The following OSGIN1 variants were observed in gnomAD, a reference collection of about 807,000 sequenced individuals.
The protein encoded by OSGIN1 is oxidative stress-induced growth inhibitor 1.
Under a neutral mutation model 20.1 loss-of-function variants are expected in OSGIN1, and 19 were observed. That is an observed-to-expected ratio of 0.95 (90% confidence interval 0.66 to 1.39). The LOEUF is 1.39. OSGIN1 is among the 40% of genes most tolerant of loss of function. OSGIN1 has a pLI of 0.00. For synonymous variants in OSGIN1, 368 were observed against 297.8 expected (o/e 1.24, Z -2.43); for missense variants, 820 against 653.0 (o/e 1.26, Z -2.79).
chr16:83,961,018 A>C lies in OSGIN1; in HGVS notation c.434A>C (p.Gln145Pro). 6.2e-7 allele frequency: 1 copy of C among 1,613,678 alleles called. No homozygotes were observed. The highest frequency in any genetic ancestry group is 2.2e-5 in the East Asian group (1 of 44,882). The change falls in exon 5 of 6, where the codon CAG becomes CCG. Residue 145 changes from glutamine to proline, a missense_variant. Gln to Pro is a moderately conservative substitution (Grantham distance 76, BLOSUM62 -1). Transcript: ENST00000393306. ...EGSMVILSQG[Q>P]WMGLPDLEVK... ...TCCATGGTGATCCTGAGCCAAGGCC[A>C]GTGGATGGGGCTCCCGGACCTGGAG... is the stretch of plus-strand genomic sequence containing the variant.
intron 5 of OSGIN1, among the ~76,000 whole-genome samples, chr16:83,963,087 T>G (rs545116611): frequency 1.2e-4 from 19 of 152,324 alleles, no homozygotes; most frequent in Admixed American, 2.6e-4. Flanking sequence ...CCCCCAGGGC[T>G]GTGACCAGGC....
At chr16:83,962,650 G>A (rs763868059) in intron 5 of OSGIN1, among the ~76,000 whole-genome samples, 20 of 152,218 alleles carry the variant, frequency 1.3e-4, no homozygotes, top group Non-Finnish European at 2.8e-4. Flanking sequence ...GGCTGTATAC[G>A]TTAGGGAGAC....
At position 83,966,174 on chromosome 16, in the gene OSGIN1, C is replaced by A. The variant is rs1597186243; in HGVS notation, c.*167C>A. 1 of 620,804 alleles carries A rather than the reference C, an allele frequency of 1.6e-6. No homozygotes were observed. Among genetic ancestry groups the A allele is most frequent in the Non-Finnish European group, 2.8e-6 (1 of 362,344 alleles). The allele number at this position is 620,804 out of a possible 1,614,324, so 38.5% of individuals were successfully genotyped here. ...ATCCCAGGCTGCCCTGGACTTAGAC[C>A]AGTGTCTGAGGTGGTAACAGCGGCC... On this transcript the variant is annotated 3_prime_UTR_variant, in exon 6 of 6. Coordinates refer to ENST00000393306, the MANE Select transcript of OSGIN1 (RefSeq NM_182981.3).
intron 5 of OSGIN1, among the ~76,000 whole-genome samples, chr16:83,964,715 T>C (rs2084255522): frequency 6.6e-6 from 1 of 152,160 alleles, no homozygotes; most frequent in African/African-American, 2.4e-5. Flanking sequence ...CACCAACATC[T>C]TCCTCATTTT....
intron 5 of OSGIN1, 60 bp from the exon 6 acceptor site, chr16:83,965,002 C>G: frequency 1.1e-6 from 1 of 924,732 alleles, no homozygotes; most frequent in Non-Finnish European, 1.7e-6. Context: ...TCTCCCGTCC[C>G]ACCCAGCCCC....
Position 83,965,390 on chromosome 16 carries a change from G to C in OSGIN1, c.817G>C (p.Glu273Gln). Residue 273 changes from glutamate (E) to glutamine (Q), a missense_variant, in exon 6 of 6, where the codon GAG becomes CAG. Transcript: ENST00000393306. Reference protein sequence around the residue: ...PFIHHELSALEAATRVGAVTP... With the variant: ...PFIHHELSALQAATRVGAVTP... ...CATCCACCATGAGCTGTCTGCCCTG[G>C]AGGCCGCCACAAGGGTGGGTGCGGT... 2 of 1,575,008 alleles carry C rather than the reference G, an allele frequency of 1.3e-6. No homozygotes were observed. The highest frequency in any genetic ancestry group is 1.7e-6 in the Non-Finnish European group (2 of 1,163,506).
Position 83,965,870 on chromosome 16 carries a change from A to C in OSGIN1, c.1297A>C (p.Thr433Pro), listed in dbSNP as rs747213810. 1.4e-5 allele frequency: 22 copies of C among 1,612,688 alleles called. No individual in the cohort carries two copies. The highest frequency in any genetic ancestry group is 4.2e-6 in the Non-Finnish European group (5 of 1,179,984). Residue 433 changes from threonine to proline, a missense_variant, in exon 6 of 6, where the codon ACC becomes CCC. Thr to Pro is a conservative substitution (Grantham distance 38). Coordinates refer to ENST00000393306, the MANE Select transcript of OSGIN1 (RefSeq NM_182981.3). The stretch of plus-strand genomic sequence containing the variant: ...GAACCCCATTGACGTGGACCCCTTC[A>C]CCTACCAGAGCACCCGCCAGGAGGG... ...KRNPIDVDPF[T>P]YQSTRQEGLY... is the part of the protein sequence containing the mutation.
chr16:83,956,511 C>G (rs1410160788), intron 1 of OSGIN1, among the ~76,000 whole-genome samples: 2 of 152,094 alleles, frequency 1.3e-5, no homozygotes, highest in East Asian at 1.9e-4. Flanking sequence ...CCCTGGATCT[C>G]GAGGGACAGG....
At position 83,965,744 on chromosome 16, in the gene OSGIN1, C is replaced by G. The variant is rs1011312312; in HGVS notation, c.1171C>G (p.Leu391Val). Residue 391 changes from leucine (L) to valine (V), a missense_variant, in exon 6 of 6, where the codon CTG becomes GTG. Physicochemically the swap from Leu to Val is conservative, Grantham distance 32 (BLOSUM62 1). Transcript: ENST00000393306. ...EGVEKVFGVS[L>V]VLVLIGSHPD... ...TGTCGAGAAGGTGTTTGGGGTCTCCCTGGTGCTGGTCCTCATCGGCTCCCA... is the reference window on the plus strand; with the variant it reads ...TGTCGAGAAGGTGTTTGGGGTCTCCGTGGTGCTGGTCCTCATCGGCTCCCA... The G allele has an allele frequency of 1.2e-6, 2 of 1,613,572 alleles. No individual in the cohort carries two copies. Among genetic ancestry groups the G allele is most frequent in the Non-Finnish European group, 1.7e-6 (2 of 1,179,990 alleles).
chr16:83,963,341 C>G (rs2084237460), intron 5 of OSGIN1, among the ~76,000 whole-genome samples: 1 of 152,174 alleles, frequency 6.6e-6, no homozygotes, highest in Non-Finnish European at 1.5e-5. Context: ...CATCCTTTTA[C>G]ATGGCCTCAC....
At chr16:83,954,454 A>T (rs144350066) in intron 1 of OSGIN1, 2,283 of 152,366 alleles carry the variant, frequency 0.015, 27 homozygotes, top group South Asian at 0.061. Flanking sequence ...AAAGGGACTT[A>T]AAAAGATAAC....
intron 5 of OSGIN1, among the ~76,000 whole-genome samples, chr16:83,963,906 AAAC>A (rs1377844868): frequency 3.9e-5 from 6 of 152,234 alleles, no homozygotes; most frequent in East Asian, 1.9e-4. Flanking sequence ...GTGACAATCC[AAAC>A]AACAACAACA....
intron 5 of OSGIN1, among the ~76,000 whole-genome samples, chr16:83,963,953 G>C (rs1307486438): frequency 2.0e-5 from 3 of 152,212 alleles, no homozygotes; most frequent in Non-Finnish European, 2.9e-5. Context: ...GCGTGGGCTG[G>C]GAACGATGGT....
intron 5 of OSGIN1, chr16:83,961,280 A>C: frequency 5.4e-6 from 3 of 555,188 alleles, no homozygotes; most frequent in Non-Finnish European, 9.7e-6. Context: ...ATGAGACATC[A>C]ATCAATATTT....
At position 83,960,676 on chromosome 16, in the gene OSGIN1, G is replaced by C; in HGVS notation, c.312G>C (p.Lys104Asn). Residue 104 changes from lysine (K) to asparagine (N), a missense_variant, in exon 4 of 6, where the codon AAG (lysine) becomes AAC (asparagine). Coordinates refer to ENST00000393306, the MANE Select transcript of OSGIN1 (RefSeq NM_182981.3). The stretch of plus-strand genomic sequence containing the variant: ...ACACAGACTTTGGGGGAAACATGAA[G>C]TCGGTCCTCACCTGGAAGCACCGGA... The part of the protein sequence containing the change: ...RPDTDFGGNM[K>N]SVLTWKHRKE... 1 of 1,613,612 alleles carries C rather than the reference G, an allele frequency of 6.2e-7. No homozygotes were observed. The highest frequency in any genetic ancestry group is 2.2e-5 in the East Asian group (1 of 44,884).
At position 83,962,418 on chromosome 16, in the gene OSGIN1, T is replaced by C. The variant is rs1184559583; in HGVS notation, c.488+1346T>C. ...CACACCCGGCTAATTATTTTTTGTA[T>C]TTTTAGTAGAGACGGGGTTTCACCG... On this transcript the variant is annotated intron_variant, in intron 5 of 5. Coordinates refer to ENST00000393306, the MANE Select transcript of OSGIN1 (RefSeq NM_182981.3). 3.9e-5 allele frequency among the ~76,000 whole-genome samples: 6 copies of C among 152,294 alleles called. No individual in the cohort carries two copies. In the East Asian group the frequency reaches 1.2e-3, roughly 29 times the overall value.
intron 2 of OSGIN1, among the ~76,000 whole-genome samples, chr16:83,958,523 C>T (rs940380180): frequency 6.6e-6 from 1 of 152,198 alleles, no homozygotes; most frequent in Non-Finnish European, 1.5e-5. Flanking sequence ...ATGGTCATTT[C>T]TGTAAGGCAA....
rs937059269 is a variant in OSGIN1 at position 83,965,147 on chromosome 16, T to C, written c.574T>C (p.Phe192Leu). The C allele has an allele frequency of 1.2e-6, 2 of 1,613,426 alleles. No individual in the cohort carries two copies. The highest frequency in any genetic ancestry group is 1.7e-6 in the Non-Finnish European group (2 of 1,179,992). ...GGTCAAGAAGGGTCTGGGGCATAAC[T>C]TTGTGTCCGGTGCTGTAGTCACAGC... is the stretch of plus-strand genomic sequence containing the variant. ...YVVKKGLGHN[F>L]VSGAVVTAVE... is the part of the protein sequence containing the mutation. Residue 192 changes from phenylalanine (F) to leucine (L), a missense_variant, in exon 6 of 6, where the codon TTT (phenylalanine) becomes CTT (leucine). Phe to Leu is a conservative substitution (Grantham distance 22, BLOSUM62 0). Transcript: ENST00000393306.
In OSGIN1 at chr16:83,957,785, GGTACCCCCCA is replaced by G; in HGVS notation, c.67+49_67+58del. 7.8e-6 allele frequency: 9 copies of G among 1,149,264 alleles called. No homozygotes were observed. In the Admixed American group the frequency reaches 1.7e-4, roughly 22 times the overall value. 71.2% of individuals were successfully genotyped at this position (1,149,264 alleles called of 1,614,324 possible). A position where few individuals can be genotyped will look rare whatever the true frequency, so the allele number is the denominator to read the frequency against. ...GGGAGGGGCTCCGCTGAGCCTTCCG[GGTACCCCCCA>G]GGTCTGAGGGCAGGAGCTGGGCAAG... On this transcript the variant is annotated intron_variant, in intron 2 of 5. Transcript: ENST00000393306.
Sources: allele counts gnomAD v4.1 joint callset (sites outside exome capture counted in the v4.1 genomes callset), GRCh38; gene constraint gnomAD v4.1.1; transcripts MANE v1.5; gene names NCBI Gene and HGNC (gene_info 2026-07-23, HGNC 2026-07-21).